Variants in TNRC6A observed in about 807,000 individuals in gnomAD.
TNRC6A encodes trinucleotide repeat-containing gene 6A protein.
A neutral mutation model predicts 221.2 loss-of-function variants in TNRC6A; 44 were observed. That is an observed-to-expected ratio of 0.20 (90% CI 0.16 to 0.26). The LOEUF is 0.26. Ranked by LOEUF, TNRC6A falls within the 10% of genes least tolerant of loss-of-function variation. The pLI, the probability that TNRC6A is intolerant of heterozygous loss-of-function variation, is 1.00. For missense variants in TNRC6A, 2,199 were observed against 2,404.4 expected (o/e 0.91, Z 1.79); for synonymous variants, 847 against 838.5 (o/e 1.01, Z -0.18).
At chr16:24,745,806 C>G (rs1015478022) in intron 2 of TNRC6A, among the ~76,000 whole-genome samples, 8 of 148,814 alleles carry the variant, frequency 5.4e-5, no homozygotes, top group South Asian at 4.5e-4. Flanking sequence ...CCCCCCCCCC[C>G]CCAGCTAATT....
In TNRC6A at chr16:24,721,137, T is replaced by C. The variant is rs536333510; in HGVS notation, n.403-29589T>C. On this transcript the variant is annotated intron_variant and non_coding_transcript_variant, in intron 2 of 2. Transcript: ENST00000566108. ...AAAGCTGCTGAGGAGAGGCAGCAAC[T>C]AGAACTCTTGATGAGGTTGAGATGC... Among the ~76,000 whole-genome samples, 7 of 152,306 alleles carry C rather than the reference T, an allele frequency of 4.6e-5. No homozygotes were observed. The South Asian group carries it at 1.2e-3, about 27-fold the overall frequency.
chr16:24,758,911 ACAC>A (rs2057306123), intron 4 of TNRC6A, among the ~76,000 whole-genome samples: 1 of 152,094 alleles, frequency 6.6e-6, no homozygotes, highest in Non-Finnish European at 1.5e-5. Flanking sequence ...AGGAAACAGG[ACAC>A]TAATTCCTCT....
At position 24,820,359 on chromosome 16, in the gene TNRC6A, A is replaced by G; in HGVS notation, c.5301A>G (p.Pro1767=). The G allele has an allele frequency of 6.2e-7, 1 of 1,613,980 alleles. No homozygotes were observed. The highest frequency in any genetic ancestry group is 2.2e-5 in the East Asian group (1 of 44,890). ...GWGNSDARYT[P]GSSWGESSSG... Reference sequence around the variant, plus strand: ...GAAATTCTGACGCCAGATATACCCCAGGTAAGATGCAGTCGTAAGGTGGGT... The same window carrying G: ...GAAATTCTGACGCCAGATATACCCCGGGTAAGATGCAGTCGTAAGGTGGGT... The change falls in exon 22 of 25, where the codon CCA becomes CCG. Residue 1767 remains proline (P), a splice_region_variant and synonymous_variant. Transcript: ENST00000395799.
chr16:24,792,717 T>G (rs922461259), intron 6 of TNRC6A, among the ~76,000 whole-genome samples: 1 of 150,458 alleles, frequency 6.6e-6, no homozygotes, highest in Non-Finnish European at 1.5e-5. Context: ...GGTGACCCAT[T>G]ATTGTTAGCT....
At chr16:24,796,087 T>C (rs2058213877) in intron 9 of TNRC6A, 148 bp downstream of exon 9, 1 of 811,416 alleles carries the variant, frequency 1.2e-6, no homozygotes, top group South Asian at 1.8e-5. Flanking sequence ...AGTTTCACCT[T>C]TCGGGAGCTC....
chr16:24,714,589 G>A (rs1172558485), intron 2 of TNRC6A, among the ~76,000 whole-genome samples: 1 of 152,036 alleles, frequency 6.6e-6, no homozygotes, highest in Non-Finnish European at 1.5e-5. Flanking sequence ...ACAGGCATAA[G>A]CCACTGCGCC....
intron 1 of TNRC6A, among the ~76,000 whole-genome samples, chr16:24,614,860 A>G (rs1237476007): frequency 6.6e-6 from 1 of 152,234 alleles, no homozygotes; most frequent in East Asian, 1.9e-4. Flanking sequence ...AACTGAGGTC[A>G]GGAGTTCGCG....
chr16:24,642,508 G>T (rs1902004000), intron 2 of TNRC6A, among the ~76,000 whole-genome samples: 2 of 152,076 alleles, frequency 1.3e-5, no homozygotes, highest in South Asian at 4.1e-4. Context: ...AGAAGTAGAG[G>T]ATAAGGAATA....
chr16:24,789,090 TCA>T, intron 5 of TNRC6A, 140 bp from the exon 6 acceptor site: 1 of 810,152 alleles, frequency 1.2e-6, no homozygotes, highest in South Asian at 2.1e-5. Context: ...AGTGCCCTTG[TCA>T]CCATTCTGCC....
At chr16:24,691,391 A>G (rs948156331) in intron 2 of TNRC6A, among the ~76,000 whole-genome samples, 2 of 152,026 alleles carry the variant, frequency 1.3e-5, no homozygotes, top group African/African-American at 4.8e-5. Flanking sequence ...CCCATTTTAC[A>G]TTTTTAAATA....
chr16:24,706,977 A>G (rs561630106), intron 2 of TNRC6A, among the ~76,000 whole-genome samples: 1 of 113,824 alleles, frequency 8.8e-6, no homozygotes, highest in Admixed American at 1.0e-4. Flanking sequence ...TTATTTATCT[A>G]TTTTTATTTA....
chr16:24,627,697 C>CTTTTTT (rs57520356), intron 1 of TNRC6A, among the ~76,000 whole-genome samples: 2 of 101,784 alleles, frequency 2.0e-5, no homozygotes, highest in Non-Finnish European at 3.7e-5. Flanking sequence ...TCTTTTCTTG[C>CTTTTTT]TTTTTTTTTT....
chr16:24,640,485 T>C lies in TNRC6A; in HGVS notation n.277-399T>C, dbSNP rs374639653. On this transcript the variant is annotated intron_variant and non_coding_transcript_variant, in intron 1 of 2. Transcript: ENST00000566108. ...GCTCACACCTGTAATCCCAGCACTT[T>C]GGGAAGCTGAGGCGGGTGGATTGCT... Among the ~76,000 whole-genome samples the C allele has an allele frequency of 1.2e-3, 189 of 151,808 alleles. 1 individual carries two copies. In the South Asian group the frequency reaches 0.035, roughly 28 times the overall value.
chr16:24,628,858 C>T lies in TNRC6A; in HGVS notation n.277-12026C>T, dbSNP rs576804612. Among the ~76,000 whole-genome samples the T allele has an allele frequency of 2.6e-5, 4 of 151,760 alleles. No individual in the cohort carries two copies. In the East Asian group the frequency reaches 5.8e-4, roughly 22 times the overall value. On this transcript the variant is annotated intron_variant and non_coding_transcript_variant, in intron 1 of 2. Transcript: ENST00000566108. Reference sequence around the variant, plus strand: ...TATTTTTTTTTTCTGTCATTTTCATCGGATTTGGAGTTATCATGGGAGACA... The same window carrying T: ...TATTTTTTTTTTCTGTCATTTTCATTGGATTTGGAGTTATCATGGGAGACA...
intron 2 of TNRC6A, among the ~76,000 whole-genome samples, chr16:24,654,396 T>A (rs531925186): frequency 6.6e-6 from 1 of 152,298 alleles, no homozygotes; most frequent in South Asian, 2.1e-4. Context: ...AAATTTTTAG[T>A]AATAGTCCCT....
chr16:24,716,054 A>G (rs370323770), intron 2 of TNRC6A, among the ~76,000 whole-genome samples: 22 of 152,070 alleles, frequency 1.4e-4, no homozygotes, highest in Admixed American at 2.6e-4. Context: ...CCTGCAAACT[A>G]GCCACTTTGG....
intron 1 of TNRC6A, among the ~76,000 whole-genome samples, chr16:24,614,707 C>T (rs1900251531): frequency 6.6e-6 from 1 of 152,172 alleles, no homozygotes; most frequent in South Asian, 2.1e-4. Flanking sequence ...GGCAAGAGCA[C>T]ATGCAAAGGC....
At chr16:24,649,267 T>A (rs1224220755) in intron 2 of TNRC6A, among the ~76,000 whole-genome samples, 1 of 152,202 alleles carries the variant, frequency 6.6e-6, no homozygotes, top group Non-Finnish European at 1.5e-5. Flanking sequence ...GCATGTTACC[T>A]CACATACTTC....
chr16:24,791,404 G>T lies in TNRC6A; in HGVS notation c.2762G>T (p.Gly921Val), dbSNP rs915189385. Residue 921 changes from glycine (G) to valine (V), a missense_variant, in exon 6 of 25, where the codon GGA (glycine) becomes GTA (valine). This residue lies in a region of TNRC6A where 1,405 missense variants were observed against 1,400.2 expected (regional missense o/e 1.00). Transcript: ENST00000395799. ...DESSKPTPSQ[G>V]WGDPPKSNQS... Reference sequence around the variant, plus strand: ...TCTTCTAAACCTACTCCTTCCCAGGGATGGGGAGACCCTCCAAAGTCTAAT... The same window carrying T: ...TCTTCTAAACCTACTCCTTCCCAGGTATGGGGAGACCCTCCAAAGTCTAAT... 1 of 1,563,068 alleles carries T rather than the reference G, an allele frequency of 6.4e-7. No homozygotes were observed.
Sources: allele counts gnomAD v4.1 joint callset (sites outside exome capture counted in the v4.1 genomes callset), GRCh38; gene constraint gnomAD v4.1.1; regional missense constraint gnomAD v4.1.1; transcripts MANE v1.5; gene names NCBI Gene and HGNC (gene_info 2026-07-23, HGNC 2026-07-21).